The following AGMO variants were observed in gnomAD, a reference collection of about 807,000 sequenced individuals.
AGMO encodes the protein alkylglycerol monooxygenase, also known as glyceryl-ether monooxygenase.
Under a neutral mutation model 60.2 loss-of-function variants are expected in AGMO, and 75 were observed. The observed-to-expected ratio is 1.25, with a 90% CI of 1.03 to 1.51. AGMO has a LOEUF of 1.51. Among genes scored for constraint, AGMO ranks in the 40% most tolerant of loss-of-function variants. The pLI, the probability that AGMO is intolerant of heterozygous loss-of-function variation, is 0.00. For missense variants in AGMO, 763 were observed against 525.5 expected, an observed-to-expected ratio of 1.45 and a Z score of -4.42; for synonymous variants, 261 against 177.1, an observed-to-expected ratio of 1.47 and a Z score of -3.76.
rs146662016 is a variant in AGMO, at chr7:15,360,421, A to T, written c.1263+5093T>A. Among the ~76,000 whole-genome samples the T allele has an allele frequency of 2.1e-3, 324 of 152,352 alleles. 1 individual carries two copies. Among genetic ancestry groups the T allele is most frequent in the African/African-American group, 7.6e-3 (318 of 41,582 alleles). ...CTGTTGACCAGAAACCTTAGTGGTA[A>T]CATGAACAGACGATTAACACATATT... is the stretch of plus-strand genomic sequence containing the variant. On this transcript the variant is annotated intron_variant, in intron 12 of 12. Transcript: ENST00000342526.
intron 3 of AGMO, among the ~76,000 whole-genome samples, chr7:15,539,731 G>C (rs949605932): frequency 6.6e-4 from 100 of 152,262 alleles, no homozygotes; most frequent in African/African-American, 2.4e-3. Flanking sequence ...CACAATGGCT[G>C]AACTAACTTG....
At chr7:15,484,878 G>C (rs1782870104) in intron 3 of AGMO, among the ~76,000 whole-genome samples, 2 of 152,104 alleles carry the variant, frequency 1.3e-5, no homozygotes, top group South Asian at 4.1e-4. Context: ...TGTTTAAATA[G>C]TTTTATGATT....
At chr7:15,250,816 G>T (rs1450849298) in intron 12 of AGMO, among the ~76,000 whole-genome samples, 1 of 151,826 alleles carries the variant, frequency 6.6e-6, no homozygotes, top group Non-Finnish European at 1.5e-5. Context: ...ATGGTGGCAG[G>T]TGCCTGTAAT....
intron 12 of AGMO, among the ~76,000 whole-genome samples, chr7:15,281,603 C>G (rs67858747): frequency 0.14 from 20,646 of 151,952 alleles, 1,697 homozygotes; most frequent in African/African-American, 0.22. Context: ...GAGGTGGCGC[C>G]TACTCTTTCC....
chr7:15,550,133 A>C lies in AGMO; in HGVS notation c.258-5210T>G, dbSNP rs559201694. ...TTGAAACCAACGAGAACAAAGACAC[A>C]ACATACCAGAATCTCTGGGATGCAT... On this transcript the variant is annotated intron_variant, in intron 2 of 12. Coordinates refer to ENST00000342526, the MANE Select transcript of AGMO (RefSeq NM_001004320.2). Among the ~76,000 whole-genome samples, 4 of 152,166 alleles carry C rather than the reference A, an allele frequency of 2.6e-5. No individual in the cohort carries two copies. The East Asian group carries it at 7.8e-4, about 29-fold the overall frequency.
intron 9 of AGMO, 56 bp downstream of exon 9, chr7:15,387,350 A>G: frequency 6.3e-7 from 1 of 1,583,964 alleles, no homozygotes; most frequent in South Asian, 1.1e-5. Context: ...GGCTGGCTGT[A>G]GACCTGACAA....
intron 12 of AGMO, among the ~76,000 whole-genome samples, chr7:15,348,235 C>T (rs1014589375): frequency 6.6e-6 from 1 of 152,022 alleles, no homozygotes; most frequent in African/African-American, 2.4e-5. Context: ...CCAAAGGACA[C>T]CTGAACTCAT....
At chr7:15,284,735 C>T (rs968915681) in intron 12 of AGMO, among the ~76,000 whole-genome samples, 1 of 151,776 alleles carries the variant, frequency 6.6e-6, no homozygotes, top group Admixed American at 6.6e-5. Flanking sequence ...CCATTATCAC[C>T]CTGATACCAA....
At chr7:15,499,451 T>G (rs949148945) in intron 3 of AGMO, among the ~76,000 whole-genome samples, 9 of 151,838 alleles carry the variant, frequency 5.9e-5, no homozygotes, top group Non-Finnish European at 1.2e-4. Context: ...CTATTAAAAT[T>G]TTTTACCTAT....
intron 12 of AGMO, among the ~76,000 whole-genome samples, chr7:15,354,665 C>T (rs1583447948): frequency 1.4e-5 from 2 of 138,050 alleles, no homozygotes; most frequent in Admixed American, 7.1e-5. Context: ...TGAAAGAAAA[C>T]AATTTTTTAA....
At chr7:15,495,842 C>CCTCTCTCTCTCCT (rs368892148) in intron 3 of AGMO, among the ~76,000 whole-genome samples, 3 of 135,970 alleles carry the variant, frequency 2.2e-5, no homozygotes, top group Non-Finnish European at 3.2e-5. Flanking sequence ...CTCTCTCTCT[C>CCTCTCTCTCTCCT]CTCTCTCTCT....
chr7:15,117,470 C>T, the AGMO span, among the ~76,000 whole-genome samples: 3 of 151,786 alleles, frequency 2.0e-5, no homozygotes, highest in Admixed American at 6.6e-5. Context: ...AATTTTAATT[C>T]TAAAAAGAAT....
chr7:15,371,273 T>C (rs539417857), intron 10 of AGMO, among the ~76,000 whole-genome samples: 1 of 152,162 alleles, frequency 6.6e-6, no homozygotes, highest in African/African-American at 2.4e-5. Flanking sequence ...AGGTTTGTAG[T>C]GTAATGGCAC....
intron 12 of AGMO, among the ~76,000 whole-genome samples, chr7:15,297,068 A>T (rs1027134767): frequency 8.3e-5 from 8 of 96,880 alleles, no homozygotes; most frequent in Non-Finnish European, 1.9e-4. Context: ...TCTCTCTCTC[A>T]CACACACAGA....
At chr7:15,233,134 T>C (rs966316232) in intron 12 of AGMO, among the ~76,000 whole-genome samples, 2 of 152,198 alleles carry the variant, frequency 1.3e-5, no homozygotes, top group Non-Finnish European at 2.9e-5. Flanking sequence ...AGAGATAAAT[T>C]GGAGACACCA....
At chr7:15,231,772 C>T (rs997436675) in intron 12 of AGMO, among the ~76,000 whole-genome samples, 3 of 152,148 alleles carry the variant, frequency 2.0e-5, no homozygotes, top group Admixed American at 6.5e-5. Context: ...ATGTGATTTT[C>T]AACACCTATT....
At chr7:15,237,371 T>A (rs1782455241) in intron 12 of AGMO, among the ~76,000 whole-genome samples, 1 of 152,026 alleles carries the variant, frequency 6.6e-6, no homozygotes, top group African/African-American at 2.4e-5. Context: ...TTCTTTTCTT[T>A]ATATTTCCTG....
intron 10 of AGMO, among the ~76,000 whole-genome samples, chr7:15,374,773 G>A (rs1783379224): frequency 6.6e-6 from 1 of 152,062 alleles, no homozygotes; most frequent in South Asian, 2.1e-4. Context: ...TGGATTCCCT[G>A]AATTGTGGAG....
At chr7:15,307,852 AAAT>A (rs1421383882) in intron 12 of AGMO, among the ~76,000 whole-genome samples, 12 of 152,070 alleles carry the variant, frequency 7.9e-5, no homozygotes, top group Admixed American at 7.9e-4. Context: ...TTACAAGACT[AAAT>A]AAGACCCATA....
Sources: allele counts gnomAD v4.1 joint callset (sites outside exome capture counted in the v4.1 genomes callset), GRCh38; gene constraint gnomAD v4.1.1; transcripts MANE v1.5; gene names NCBI Gene and HGNC (gene_info 2026-07-23, HGNC 2026-07-21).